Variants in MYBPC1 observed in about 807,000 individuals in gnomAD.
The protein encoded by MYBPC1 is myosin-binding protein C, slow-type.
A neutral mutation model predicts 147.1 loss-of-function variants in MYBPC1; 52 were observed. The ratio of observed to expected loss-of-function variants is 0.35; its 90% CI spans 0.28 to 0.45. MYBPC1 has a LOEUF of 0.45. MYBPC1 is among the 20% of genes least tolerant of loss of function. The pLI is 1.00. For synonymous variants in MYBPC1, 477 were observed against 475.9 expected (o/e 1.00, Z -0.03); for missense variants, 1,228 against 1,440.3 (o/e 0.85, Z 2.39).
the MYBPC1 span, among the ~76,000 whole-genome samples, chr12:101,692,787 A>G: frequency 6.6e-6 from 1 of 152,204 alleles, no homozygotes; most frequent in Admixed American, 6.5e-5. Flanking sequence ...TTTTGACATT[A>G]GAGTATGTTA....
intron 5 of MYBPC1, chr12:101,629,035 G>C (rs1889253755): frequency 3.4e-6 from 1 of 297,412 alleles, no homozygotes; most frequent in African/African-American, 2.2e-5. Context: ...CAATGTAGTT[G>C]TATCGATGTG....
chr12:101,606,440 G>A (rs1379996702), intron 1 of MYBPC1, among the ~76,000 whole-genome samples: 1 of 151,182 alleles, frequency 6.6e-6, no homozygotes, highest in Non-Finnish European at 1.5e-5. Context: ...TGTACTTTGA[G>A]AACCACTAAT....
chr12:101,673,511 G>T lies in MYBPC1; in HGVS notation c.2698G>T (p.Asp900Tyr). 6.2e-7 allele frequency: 1 copy of T among 1,614,066 alleles called. No individual in the cohort carries two copies. The highest frequency in any genetic ancestry group is 8.5e-7 in the Non-Finnish European group (1 of 1,179,966). The part of the protein sequence containing the change: ...NQINIRNSET[D>Y]TIIFIRKAER... ...AATAAACATTCGCAACTCTGAGACT[G>T]ATACAATCATATTTATTAGAAAAGC... is the stretch of plus-strand genomic sequence containing the variant. Residue 900 changes from aspartate to tyrosine, a missense_variant, in exon 25 of 32, where the codon GAT becomes TAT. By Grantham distance (160) the Asp-to-Tyr change is radical. Coordinates refer to ENST00000361466, the MANE Select transcript of MYBPC1 (RefSeq NM_002465.4).
chr12:101,661,012 A>G (rs1168916450), intron 19 of MYBPC1, 146 bp from the exon 20 acceptor site: 3 of 586,812 alleles, frequency 5.1e-6, no homozygotes, highest in Non-Finnish European at 9.2e-6. Flanking sequence ...GCCAAACCAT[A>G]TCATAAGCAT....
At chr12:101,649,532 T>A in intron 15 of MYBPC1, 106 bp downstream of exon 15, 1 of 1,326,932 alleles carries the variant, frequency 7.5e-7, no homozygotes, top group Non-Finnish European at 1.1e-6. Context: ...CGATGATTTT[T>A]AAGTATGTAA....
rs1009854045 is a variant in MYBPC1, at chr12:101,617,611, GT to G, written c.103+372del. Among the ~76,000 whole-genome samples, 3 of 152,024 alleles carry G rather than the reference GT, an allele frequency of 2.0e-5. No individual in the cohort carries two copies. In the South Asian group the frequency reaches 6.2e-4, roughly 32 times the overall value. The stretch of plus-strand genomic sequence containing the variant: ...TACCCGGTTTTTTTTTAAATTAAAT[GT>G]TTTCATGTTATTGTGTGAACTGTTC... On this transcript the variant is annotated intron_variant, in intron 3 of 31. Transcript: ENST00000361466.
chr12:101,631,853 C>T (rs552709831), intron 7 of MYBPC1, 134 bp downstream of exon 7: 7 of 1,404,330 alleles, frequency 5.0e-6, no homozygotes, highest in African/African-American at 1.4e-5. Flanking sequence ...GCAGTGTCTA[C>T]ACTCTATTGC....
chr12:101,639,822 G>C (rs1425960376), intron 10 of MYBPC1, among the ~76,000 whole-genome samples: 1 of 151,890 alleles, frequency 6.6e-6, no homozygotes, highest in Non-Finnish European at 1.5e-5. Context: ...ATGTCAGGAG[G>C]ATAGCTGAAA....
At chr12:101,614,876 T>C (rs913144657) in intron 2 of MYBPC1, 46 of 365,250 alleles carry the variant, frequency 1.3e-4, no homozygotes, top group African/African-American at 7.1e-4. Flanking sequence ...TTTTCCTATA[T>C]AGTGAAGGTC....
chr12:101,680,235 A>T (rs1218647566), intron 28 of MYBPC1, 108 bp from the exon 29 acceptor site: 3 of 1,066,102 alleles, frequency 2.8e-6, no homozygotes, highest in Non-Finnish European at 2.8e-6. Flanking sequence ...TCTCAGATGC[A>T]CTTTCTTTTT....
chr12:101,613,734 A>G (rs1363285883), intron 1 of MYBPC1, among the ~76,000 whole-genome samples: 1 of 152,240 alleles, frequency 6.6e-6, no homozygotes, highest in African/African-American at 2.4e-5. Flanking sequence ...CAGGTAAACC[A>G]AAACCAAACC....
chr12:101,633,011 A>G (rs980229458), intron 8 of MYBPC1, among the ~76,000 whole-genome samples: 1 of 152,248 alleles, frequency 6.6e-6, no homozygotes, highest in Non-Finnish European at 1.5e-5. Flanking sequence ...CTGGGATTAC[A>G]GGTGTGAGCC....
chr12:101,621,141 T>TG (rs1887285275), intron 3 of MYBPC1, among the ~76,000 whole-genome samples: 2 of 152,236 alleles, frequency 1.3e-5, no homozygotes, highest in African/African-American at 2.4e-5. Context: ...ACTAGCATGC[T>TG]AAAATATTTT....
intron 3 of MYBPC1, among the ~76,000 whole-genome samples, chr12:101,618,254 A>T (rs1231980973): frequency 6.6e-6 from 1 of 152,200 alleles, no homozygotes; most frequent in Non-Finnish European, 1.5e-5. Context: ...CCTTCAGCTA[A>T]CTTGAACTTA....
chr12:101,607,014 T>C (rs780659622), intron 1 of MYBPC1, among the ~76,000 whole-genome samples: 3 of 151,948 alleles, frequency 2.0e-5, no homozygotes, highest in Non-Finnish European at 4.4e-5. Flanking sequence ...TTGGTAGAGA[T>C]GTGGTTTTGC....
Position 101,611,868 on chromosome 12 carries a change from A to G in MYBPC1, c.26-2628A>G, listed in dbSNP as rs546429022. On this transcript the variant is annotated intron_variant, in intron 1 of 31. Coordinates refer to ENST00000361466, the MANE Select transcript of MYBPC1 (RefSeq NM_002465.4). ...CTGAGGCAGGTGGATCACAAGGTCA[A>G]GAGATCGAGACCATCCTGGCCAACA... Among the ~76,000 whole-genome samples, 5 of 152,068 alleles carry G rather than the reference A, an allele frequency of 3.3e-5. No homozygotes were observed. The South Asian group carries it at 6.2e-4, about 19-fold the overall frequency.
At chr12:101,678,330 A>G (rs1214930971) in intron 28 of MYBPC1, 92 bp downstream of exon 28, 6 of 1,543,554 alleles carry the variant, frequency 3.9e-6, no homozygotes, top group Admixed American at 1.7e-5. Context: ...TCCAGCTGCT[A>G]CTTGTGTCTT....
intron 3 of MYBPC1, among the ~76,000 whole-genome samples, chr12:101,624,018 T>C (rs1888009252): frequency 6.6e-6 from 1 of 152,198 alleles, no homozygotes; most frequent in Admixed American, 6.5e-5. Context: ...TATCATTTCT[T>C]GTCACCCCCA....
rs955403544 is a variant in MYBPC1 at position 101,682,796 on chromosome 12, G to A, written c.3492+134G>A. On this transcript the variant is annotated intron_variant, in intron 30 of 31. Transcript: ENST00000361466. ...ACCCCTTAGCAGCTCATGGCATACA[G>A]TGCTTATGCCATGAACAAGGAAGGC... The A allele has an allele frequency of 3.7e-6, 3 of 818,678 alleles. No individual in the cohort carries two copies. In the Admixed American group the frequency reaches 6.5e-5, roughly 18 times the overall value. 50.7% of individuals were successfully genotyped at this position (818,678 alleles called of 1,614,324 possible). A position where few individuals can be genotyped will look rare whatever the true frequency, so the allele number is the denominator to read the frequency against.
Sources: gnomAD v4.1 joint callset for allele counts (sites outside exome capture counted in the v4.1 genomes callset) on GRCh38, gnomAD v4.1.1 for gene constraint, MANE v1.5 for transcripts, NCBI Gene and HGNC (gene_info 2026-07-23, HGNC 2026-07-21) for gene names.